NCBP2L: variants seen among roughly 807,000 people sequenced by gnomAD.
NCBP2L encodes nuclear cap binding protein subunit 2 like.
For synonymous variants in NCBP2L, 39 were observed against 19.2 expected, an observed-to-expected ratio of 2.04 and a Z score of -2.70; for missense variants, 95 against 53.1, an observed-to-expected ratio of 1.79 and a Z score of -2.45.
chrX:107,794,369 C>G lies in NCBP2L; in HGVS notation c.149C>G (p.Thr50Arg), dbSNP rs1444022060. The G allele has an allele frequency of 1.8e-6, 1 of 570,187 alleles. No homozygotes were observed. The highest frequency in any genetic ancestry group is 3.2e-6 in the Non-Finnish European group (1 of 309,437). The allele number at this position is 570,187 out of a possible 1,213,427, so 47.0% of individuals were successfully genotyped here. ...TLNMGNLSFY[T>R]TEEKIHELFS... The stretch of plus-strand genomic sequence containing the variant: ...AATATGGGGAATCTTTCCTTTTATA[C>G]AACCGAAGAGAAAATACATGAACTC... Residue 50 changes from threonine (T) to arginine (R), a missense_variant, in exon 2 of 2, where the codon ACA (threonine) becomes AGA (arginine). Transcript: ENST00000509000.
intron 1 of NCBP2L, among the ~76,000 whole-genome samples, chrX:107,782,210 AATAT>A (rs1417270792): frequency 1.4e-4 from 1 of 7,062 alleles, no homozygotes; most frequent in Non-Finnish European, 2.3e-4. Flanking sequence ...TATATATATA[AATAT>A]ATATATAAAT....
At chrX:107,785,203 C>T (rs1211468665) in intron 1 of NCBP2L, among the ~76,000 whole-genome samples, 1 of 111,504 alleles carries the variant, frequency 9.0e-6, no homozygotes, top group African/African-American at 3.3e-5. Flanking sequence ...TTCTGATGAG[C>T]CTCTGTATTT....
chrX:107,793,644 T>C (rs966987992), intron 1 of NCBP2L, among the ~76,000 whole-genome samples: 1 of 112,160 alleles, frequency 8.9e-6, no homozygotes, highest in African/African-American at 3.2e-5. Flanking sequence ...GTATATTTGA[T>C]GGTATATAGG....
intron 1 of NCBP2L, among the ~76,000 whole-genome samples, chrX:107,782,210 AATATATATAT>A (rs1417270792): frequency 1.4e-4 from 1 of 7,062 alleles, no homozygotes; most frequent in Non-Finnish European, 2.3e-4. Flanking sequence ...TATATATATA[AATATATATAT>A]AAATATATAT....
chrX:107,787,426 G>A (rs1326552759), intron 1 of NCBP2L, among the ~76,000 whole-genome samples: 1 of 111,762 alleles, frequency 8.9e-6, no homozygotes, highest in Non-Finnish European at 1.9e-5. Flanking sequence ...TAAGGGGTTC[G>A]AGTGCAGTTT....
intron 1 of NCBP2L, among the ~76,000 whole-genome samples, chrX:107,783,851 T>A (rs1350253548): frequency 1.0e-5 from 1 of 99,609 alleles, no homozygotes; most frequent in African/African-American, 4.4e-5. Flanking sequence ...CACAGTCTGG[T>A]GTGCGTATGT....
intron 1 of NCBP2L, among the ~76,000 whole-genome samples, chrX:107,781,637 A>C (rs1602434660): frequency 1.2e-5 from 1 of 83,648 alleles, no homozygotes; most frequent in African/African-American, 4.8e-5. Context: ...CATTCTATCT[A>C]TCTATCTATC....
chrX:107,782,517 A>C (rs1280443131), intron 1 of NCBP2L, among the ~76,000 whole-genome samples: 1 of 99,205 alleles, frequency 1.0e-5, no homozygotes, highest in Non-Finnish European at 2.0e-5. Context: ...TGAACAATAC[A>C]GTATTGTTAA....
chrX:107,780,033 C>T (rs1341547497), intron 1 of NCBP2L, among the ~76,000 whole-genome samples: 6 of 110,515 alleles, frequency 5.4e-5, no homozygotes, highest in Admixed American at 1.9e-4. Context: ...CGTGAGCCAC[C>T]GCGCCCAGCC....
chrX:107,783,096 G>A, intron 1 of NCBP2L, among the ~76,000 whole-genome samples: 1 of 110,101 alleles, frequency 9.1e-6, no homozygotes, highest in Middle Eastern at 4.7e-3. Flanking sequence ...AGCTTTCTTA[G>A]CACAGTTCTT....
intron 1 of NCBP2L, among the ~76,000 whole-genome samples, chrX:107,791,197 C>A (rs985371867): frequency 9.0e-6 from 1 of 111,657 alleles, no homozygotes; most frequent in Admixed American, 9.5e-5. Context: ...CAATATCCAT[C>A]AATCTGTCCT....
At chrX:107,789,654 T>C (rs1930427617) in intron 1 of NCBP2L, among the ~76,000 whole-genome samples, 1 of 111,512 alleles carries the variant, frequency 9.0e-6, no homozygotes, top group Non-Finnish European at 1.9e-5. Flanking sequence ...CTCTCTCTGA[T>C]GTATTTAACA....
chrX:107,792,728 A>G (rs1930469554), intron 1 of NCBP2L, among the ~76,000 whole-genome samples: 1 of 111,416 alleles, frequency 9.0e-6, no homozygotes, highest in African/African-American at 3.3e-5. Flanking sequence ...GTCCTTTGAG[A>G]ATCAGTGCAT....
intron 1 of NCBP2L, among the ~76,000 whole-genome samples, chrX:107,781,676 A>ATCTCTCTCTCTCTCTCTCTCTC (rs1252852252): frequency 1.8e-5 from 1 of 55,919 alleles, no homozygotes; most frequent in African/African-American, 1.1e-4. Flanking sequence ...CTATCTATCT[A>ATCTCTCTCTCTCTCTCTCTCTC]TCTCTCTCTC....
chrX:107,783,858 A>ATGTGTGTGTGTG (rs756413239), intron 1 of NCBP2L, among the ~76,000 whole-genome samples: 3,249 of 96,911 alleles, frequency 0.034, 66 homozygotes, highest in African/African-American at 0.055. Context: ...TGGTGTGCGT[A>ATGTGTGTGTGTG]TGTGTGTGTG....
chrX:107,785,743 G>A (rs911554925), intron 1 of NCBP2L, among the ~76,000 whole-genome samples: 5 of 111,150 alleles, frequency 4.5e-5, no homozygotes, highest in South Asian at 3.8e-4. Flanking sequence ...CTGGGAAGAC[G>A]GAAATTAAAG....
intron 1 of NCBP2L, among the ~76,000 whole-genome samples, chrX:107,789,905 G>C (rs1243372666): frequency 1.8e-5 from 2 of 109,904 alleles, no homozygotes; most frequent in African/African-American, 3.3e-5. Context: ...ATCCTATTGA[G>C]CCCCAAATCT....
At chrX:107,786,677 C>T (rs1930395901) in intron 1 of NCBP2L, among the ~76,000 whole-genome samples, 2 of 111,430 alleles carry the variant, frequency 1.8e-5, no homozygotes, top group African/African-American at 6.5e-5. Flanking sequence ...ACCTTCCCCT[C>T]ATTTCATTTC....
rs370497735 is a variant in NCBP2L at position 107,780,455 on chromosome X, A to T, written c.-73+2597A>T. Among the ~76,000 whole-genome samples the T allele has an allele frequency of 2.7e-5, 3 of 110,493 alleles. No individual in the cohort carries two copies. In the East Asian group the frequency reaches 8.5e-4, roughly 31 times the overall value. ...ACTGATTCATCATCACAAGCCTGTG[A>T]GGCAGCCTTGTTTTCATAGCTCTCG... On this transcript the variant is annotated intron_variant, in intron 1 of 1. Transcript: ENST00000509000.
Sources: allele counts gnomAD v4.1 joint callset (sites outside exome capture counted in the v4.1 genomes callset), GRCh38; gene constraint gnomAD v4.1.1; transcripts MANE v1.5; gene names NCBI Gene and HGNC (gene_info 2026-07-23, HGNC 2026-07-21).